Variants in LRMDA observed in about 807,000 individuals in gnomAD.
The protein encoded by LRMDA is leucine rich melanocyte differentiation associated, also known as leucine-rich melanocyte differentiation-associated protein.
Under a neutral mutation model 29.8 loss-of-function variants are expected in LRMDA, and 18 were observed. That is an observed-to-expected ratio of 0.60 (90% CI 0.42 to 0.90). The LOEUF (loss-of-function observed/expected upper bound fraction) is 0.90. Ranked by LOEUF, LRMDA falls within the 40% of genes least tolerant of loss-of-function variation. The probability of loss-of-function intolerance (pLI) is 0.00; values close to 1 mark genes in which losing one functional copy is unlikely to be tolerated. For synonymous variants in LRMDA, 125 were observed against 109.4 expected (o/e 1.14, Z -0.89); for missense variants, 273 against 273.9 (o/e 1.00, Z 0.02).
At chr10:76,069,244 A>G (rs1848835756) in intron 5 of LRMDA, among the ~76,000 whole-genome samples, 2 of 152,202 alleles carry the variant, frequency 1.3e-5, no homozygotes, top group South Asian at 4.1e-4. Context: ...CCATTTCACA[A>G]GCATGATGGG....
chr10:76,309,285 C>A (rs1840599971), intron 5 of LRMDA, among the ~76,000 whole-genome samples: 2 of 152,064 alleles, frequency 1.3e-5, no homozygotes, highest in South Asian at 4.1e-4. Context: ...GTGATTGGCA[C>A]CTTTGAAGCT....
At chr10:76,240,848 A>G (rs1312916) in intron 5 of LRMDA, among the ~76,000 whole-genome samples, 18 of 2,886 alleles carry the variant, frequency 6.2e-3, no homozygotes, top group African/African-American at 0.057. Flanking sequence ...ATATGTGTGT[A>G]TATATATATA....
chr10:76,287,751 C>T (rs1416761276), intron 5 of LRMDA, among the ~76,000 whole-genome samples: 1 of 152,144 alleles, frequency 6.6e-6, no homozygotes, highest in African/African-American at 2.4e-5. Context: ...AAATAAAATT[C>T]TGTTCCATAA....
At chr10:75,717,221 C>A (rs897145207) in intron 2 of LRMDA, among the ~76,000 whole-genome samples, 2 of 152,150 alleles carry the variant, frequency 1.3e-5, no homozygotes, top group Non-Finnish European at 2.9e-5. Context: ...GGAGTCCCCC[C>A]CAGGGGCACG....
rs1843575808 is a variant in LRMDA at position 76,557,700 on chromosome 10, A to G, written c.*412A>G. On this transcript the variant is annotated 3_prime_UTR_variant, in exon 7 of 7. Transcript: ENST00000611255. ...AGACTGTCCTCAGCTCGCCTATTGA[A>G]TTGAAATCCCTCTGATACCATCGTG... is the stretch of plus-strand genomic sequence containing the variant. 5.2e-6 allele frequency: 1 copy of G among 192,848 alleles called. No homozygotes were observed. Among genetic ancestry groups the G allele is most frequent in the South Asian group, 1.2e-4 (1 of 8,514 alleles). The allele number at this position is 192,848 out of a possible 1,614,324, so 11.9% of individuals were successfully genotyped here. A position where few individuals can be genotyped will look rare whatever the true frequency, so the allele number is the denominator to read the frequency against.
Position 75,802,954 on chromosome 10 carries a change from GTA to G in LRMDA, c.132-233036_132-233035del, listed in dbSNP as rs1172110612. Among the ~76,000 whole-genome samples the G allele has an allele frequency of 6.6e-3, 842 of 127,518 alleles. 17 individuals carry two copies. The East Asian group carries it at 0.07, about 11-fold the overall frequency. The allele number at this position is 127,518 out of a possible 152,430, so 83.7% of individuals were successfully genotyped here. A position where few individuals can be genotyped will look rare whatever the true frequency, so the allele number is the denominator to read the frequency against. Reference sequence around the variant, plus strand: ...ATTATGTGTGTGTGTGTGTGTGTGTGTATATATATATATATATATTTTTTTTT... The same window carrying G: ...ATTATGTGTGTGTGTGTGTGTGTGTGTATATATATATATATATTTTTTTTT... On this transcript the variant is annotated intron_variant, in intron 2 of 6. Transcript: ENST00000611255.
intron 5 of LRMDA, among the ~76,000 whole-genome samples, chr10:76,153,155 A>T (rs1358118371): frequency 6.6e-6 from 1 of 151,992 alleles, no homozygotes; most frequent in Non-Finnish European, 1.5e-5. Flanking sequence ...GGCTATTTTT[A>T]AATTGAGTTA....
At chr10:75,989,490 T>G (rs193046677) in intron 2 of LRMDA, among the ~76,000 whole-genome samples, 1 of 152,150 alleles carries the variant, frequency 6.6e-6, no homozygotes. Flanking sequence ...TGTTAAACCA[T>G]GAGAAACCAC....
At chr10:76,367,733 C>T (rs1216114349) in intron 6 of LRMDA, among the ~76,000 whole-genome samples, 4 of 152,156 alleles carry the variant, frequency 2.6e-5, no homozygotes, top group African/African-American at 7.2e-5. Context: ...CAGGTGTGAG[C>T]CACCGCGCCT....
intron 5 of LRMDA, among the ~76,000 whole-genome samples, chr10:76,259,699 T>A (rs1030218521): frequency 1.3e-5 from 2 of 152,108 alleles, no homozygotes; most frequent in Non-Finnish European, 2.9e-5. Flanking sequence ...GGGGTCTATC[T>A]CTCCCTTTAG....
At chr10:76,328,494 A>G (rs1840864435) in intron 6 of LRMDA, among the ~76,000 whole-genome samples, 1 of 152,240 alleles carries the variant, frequency 6.6e-6, no homozygotes, top group African/African-American at 2.4e-5. Flanking sequence ...AACAACAGGC[A>G]AGGGAAACAA....
chr10:76,461,712 T>G (rs73292560), intron 6 of LRMDA, among the ~76,000 whole-genome samples: 1 of 152,088 alleles, frequency 6.6e-6, no homozygotes, highest in Non-Finnish European at 1.5e-5. Context: ...AGAAGAGAAG[T>G]GCTGTCTTAA....
intron 5 of LRMDA, among the ~76,000 whole-genome samples, chr10:76,125,171 A>G (rs1354694558): frequency 6.6e-6 from 1 of 152,212 alleles, no homozygotes; most frequent in Non-Finnish European, 1.5e-5. Flanking sequence ...GCAAATGCTT[A>G]ATTGATTTTA....
At chr10:76,209,212 A>G (rs550403585) in intron 5 of LRMDA, among the ~76,000 whole-genome samples, 1 of 152,204 alleles carries the variant, frequency 6.6e-6, no homozygotes, top group African/African-American at 2.4e-5. Context: ...TGTCTCCCCT[A>G]ATAAGCTAAG....
intron 2 of LRMDA, among the ~76,000 whole-genome samples, chr10:75,479,152 G>A (rs906159082): frequency 2.0e-5 from 3 of 152,076 alleles, no homozygotes; most frequent in South Asian, 2.1e-4. Context: ...GGAGGTTGCG[G>A]CCAAGTGTAT....
In LRMDA at chr10:76,560,118, T is replaced by C. The variant is rs1380284469; in HGVS notation, c.*2830T>C. ...GATCAGGCTGCATGTCTGAGTGTTG[T>C]GTGTTTTCACATACTCATGTATACT... On this transcript the variant is annotated 3_prime_UTR_variant, in exon 7 of 7. Transcript: ENST00000611255. 2.0e-5 allele frequency: 3 copies of C among 152,184 alleles called. No homozygotes were observed. The highest frequency in any genetic ancestry group is 4.4e-5 in the Non-Finnish European group (3 of 68,040). The allele number at this position is 152,184 out of a possible 1,614,324, so 9.4% of individuals were successfully genotyped here.
chr10:75,674,494 T>A (rs1000805738), intron 2 of LRMDA, among the ~76,000 whole-genome samples: 2 of 152,198 alleles, frequency 1.3e-5, no homozygotes, highest in Non-Finnish European at 2.9e-5. Context: ...TCTTTTTTTT[T>A]CCTTAGAAGA....
intron 5 of LRMDA, among the ~76,000 whole-genome samples, chr10:76,243,510 T>G (rs982476214): frequency 6.6e-6 from 1 of 152,154 alleles, no homozygotes; most frequent in Non-Finnish European, 1.5e-5. Context: ...TCATTTGATG[T>G]TTAGAAGCAA....
At chr10:76,186,575 G>C (rs1296418946) in intron 5 of LRMDA, among the ~76,000 whole-genome samples, 1 of 152,152 alleles carries the variant, frequency 6.6e-6, no homozygotes, top group African/African-American at 2.4e-5. Context: ...GGTGGGTTAG[G>C]ACCACCCTCC....
Sources: gnomAD v4.1 joint callset for allele counts (sites outside exome capture counted in the v4.1 genomes callset) on GRCh38, gnomAD v4.1.1 for gene constraint, MANE v1.5 for transcripts, NCBI Gene and HGNC (gene_info 2026-07-23, HGNC 2026-07-21) for gene names.